The following DRAM1 variants were observed in gnomAD, a reference collection of about 807,000 sequenced individuals.
DRAM1 encodes the protein DNA damage regulated autophagy modulator 1, also known as DNA damage-regulated autophagy modulator protein 1.
In DRAM1, 25 loss-of-function variants were observed where a neutral mutation model predicts 28.5. That is an observed-to-expected ratio of 0.88 (90% CI 0.64 to 1.23). The LOEUF is 1.23. Among genes scored for constraint, DRAM1 ranks in the 50% most tolerant of loss-of-function variants. The pLI, the probability that DRAM1 is intolerant of heterozygous loss-of-function variation, is 0.00. For missense variants in DRAM1, 249 were observed against 299.2 expected (o/e 0.83, Z 1.24); for synonymous variants, 113 against 114.2 (o/e 0.99, Z 0.07).
chr12:101,877,929 C>G lies in DRAM1; in HGVS notation c.131+9C>G, dbSNP rs1010393298. 30 of 1,526,544 alleles carry G rather than the reference C, an allele frequency of 2.0e-5. No individual in the cohort carries two copies. Among genetic ancestry groups the G allele is most frequent in the Non-Finnish European group, 2.5e-5 (28 of 1,132,336 alleles). The allele number at this position is 1,526,544 out of a possible 1,614,324, so 94.6% of individuals were successfully genotyped here. ...TTCCTCCCGTATATCAGGTGAGTGG[C>G]AGGGTGGGCGTCAGGGCCCCAGGAG... On this transcript the variant is annotated intron_variant, in intron 1 of 6. Transcript: ENST00000258534. This position sits in a 1 kb window ranked among gnomAD's most constrained non-coding sequence, Gnocchi z 4.1.
chr12:101,900,718 G>A (rs962339573), intron 2 of DRAM1, among the ~76,000 whole-genome samples: 9 of 152,166 alleles, frequency 5.9e-5, no homozygotes, highest in African/African-American at 1.4e-4. Flanking sequence ...AGTCTAAATC[G>A]TCAACGGGCT....
At chr12:101,881,719 G>C (rs1035652030) in intron 1 of DRAM1, among the ~76,000 whole-genome samples, 1 of 151,984 alleles carries the variant, frequency 6.6e-6, no homozygotes, top group African/African-American at 2.4e-5. Context: ...TACCTCCTTT[G>C]TTCAAATGTT....
Position 101,886,101 on chromosome 12 carries a change from G to T in DRAM1, c.131+8181G>T, listed in dbSNP as rs747353719. The stretch of plus-strand genomic sequence containing the variant: ...ACCTCATTGTTCATTGACTTTGGTT[G>T]CAGTTCTGTTTTCCAGCACAGTTAG... On this transcript the variant is annotated intron_variant, in intron 1 of 6. Transcript: ENST00000258534. 5.5e-4 allele frequency among the ~76,000 whole-genome samples: 84 copies of T among 152,184 alleles called. 1 individual carries two copies. Among genetic ancestry groups the T allele is most frequent in the Non-Finnish European group, 1.3e-4 (9 of 68,040 alleles).
At chr12:101,908,739 T>G (rs530942333) in intron 4 of DRAM1, among the ~76,000 whole-genome samples, 4 of 151,968 alleles carry the variant, frequency 2.6e-5, no homozygotes, top group African/African-American at 9.6e-5. Flanking sequence ...CTTGCTAAAC[T>G]GACTTAGCCA....
At chr12:101,887,970 A>G (rs1872952304) in intron 1 of DRAM1, among the ~76,000 whole-genome samples, 2 of 152,220 alleles carry the variant, frequency 1.3e-5, no homozygotes, top group Admixed American at 1.3e-4. Flanking sequence ...TACTCAGTTA[A>G]TGAGGGCTGT....
Position 101,921,516 on chromosome 12 carries a change from AC to A in DRAM1, c.*257del. On this transcript the variant is annotated 3_prime_UTR_variant, in exon 7 of 7. Transcript: ENST00000258534. ...TTTTTTTATATTAACAAATTCATAT[AC>A]AGAAAAAATAAGGTGTTACAAAAAA... 3.2e-6 allele frequency: 1 copy of A among 313,150 alleles called. No homozygotes were observed. Among genetic ancestry groups the A allele is most frequent in the East Asian group, 5.6e-5 (1 of 17,794 alleles). The allele number at this position is 313,150 out of a possible 1,614,324, so 19.4% of individuals were successfully genotyped here.
At chr12:101,911,631 T>G (rs1473939180) in intron 4 of DRAM1, among the ~76,000 whole-genome samples, 1 of 152,214 alleles carries the variant, frequency 6.6e-6, no homozygotes, top group Non-Finnish European at 1.5e-5. Context: ...GGTACCCACA[T>G]GTGGCTTTTG....
Position 101,881,194 on chromosome 12 carries a change from C to T in DRAM1, c.131+3274C>T, listed in dbSNP as rs556174029. On this transcript the variant is annotated intron_variant, in intron 1 of 6. Coordinates refer to ENST00000258534, the MANE Select transcript of DRAM1 (RefSeq NM_018370.3). The stretch of plus-strand genomic sequence containing the variant: ...ACTCAGGAGGCTGAGGCATGAGAAT[C>T]GCTTGAACCAGGGAGGCAGAGGTTG... Among the ~76,000 whole-genome samples the T allele has an allele frequency of 2.0e-4, 31 of 152,226 alleles. 1 individual carries two copies. Among genetic ancestry groups the T allele is most frequent in the African/African-American group, 6.5e-4 (27 of 41,552 alleles).
intron 1 of DRAM1, among the ~76,000 whole-genome samples, chr12:101,882,656 A>C (rs1189744896): frequency 6.6e-6 from 1 of 151,274 alleles, no homozygotes; most frequent in Admixed American, 6.6e-5. Flanking sequence ...GTTGTGATCT[A>C]GTGGGTTAGC....
At position 101,914,185 on chromosome 12, in the gene DRAM1, G is replaced by A; in HGVS notation, c.532G>A (p.Ala178Thr). The A allele has an allele frequency of 6.2e-7, 1 of 1,608,610 alleles. No individual in the cohort carries two copies. The highest frequency in any genetic ancestry group is 8.5e-7 in the Non-Finnish European group (1 of 1,178,086). ...CAAVIPMIVC[A>T]SLISITKLEW... ...TTTACTTCTTTCAGTGATTGTCTGTGCTTCACTAATTTCCATAACCAAGCT... is the reference window on the plus strand; with the variant it reads ...TTTACTTCTTTCAGTGATTGTCTGTACTTCACTAATTTCCATAACCAAGCT... Residue 178 changes from alanine (A) to threonine (T), a missense_variant, in exon 5 of 7, where the codon GCT (alanine) becomes ACT (threonine). Transcript: ENST00000258534.
At position 101,877,766 on chromosome 12, in the gene DRAM1, T is replaced by G. The variant is rs1165982519; in HGVS notation, c.-24T>G. On this transcript the variant is annotated 5_prime_UTR_variant, in exon 1 of 7. Coordinates refer to ENST00000258534, the MANE Select transcript of DRAM1 (RefSeq NM_018370.3). This position sits in a 1 kb window ranked among gnomAD's most constrained non-coding sequence, Gnocchi z 4.1. ...CGCCCGGCCCCGCTGGGCGCAGCAC[T>G]CCGTCGGCGGCGGCGGCGGCGCGAT... 6.8e-7 allele frequency: 1 copy of G among 1,472,410 alleles called. No homozygotes were observed. 91.2% of individuals were successfully genotyped at this position (1,472,410 alleles called of 1,614,324 possible). A position where few individuals can be genotyped will look rare whatever the true frequency, so the allele number is the denominator to read the frequency against.
intron 4 of DRAM1, among the ~76,000 whole-genome samples, chr12:101,912,182 A>G (rs897294801): frequency 2.6e-5 from 4 of 152,240 alleles, no homozygotes; most frequent in Admixed American, 1.3e-4. Context: ...CCTGAGTGAA[A>G]GAGCGAGACT....
At chr12:101,914,007 TG>T (rs1411978325) in intron 4 of DRAM1, among the ~76,000 whole-genome samples, 166 bp from the exon 5 acceptor site, 2 of 152,218 alleles carry the variant, frequency 1.3e-5, no homozygotes, top group Non-Finnish European at 2.9e-5. Context: ...CTAATATAAC[TG>T]GTTTGATTGT....
chr12:101,921,413 T>C lies in DRAM1; in HGVS notation c.*153T>C, dbSNP rs1874478548. ...TTTCATTACGAGTTCCTAATAGTTG[T>C]ATTTCTAAAGATGTGTTTCCTAGAG... On this transcript the variant is annotated 3_prime_UTR_variant, in exon 7 of 7. Transcript: ENST00000258534. 2 of 647,152 alleles carry C rather than the reference T, an allele frequency of 3.1e-6. No homozygotes were observed. The highest frequency in any genetic ancestry group is 5.6e-6 in the Non-Finnish European group (2 of 357,002). The allele number at this position is 647,152 out of a possible 1,614,324, so 40.1% of individuals were successfully genotyped here.
chr12:101,912,442 T>A (rs143587624), intron 4 of DRAM1, among the ~76,000 whole-genome samples: 1 of 152,296 alleles, frequency 6.6e-6, no homozygotes, highest in African/African-American at 2.4e-5. Flanking sequence ...GTTGTGATAT[T>A]TCTGAGAGCT....
At chr12:101,921,025 A>AT (rs1313715040) in intron 6 of DRAM1, among the ~76,000 whole-genome samples, 191 bp from the exon 7 acceptor site, 1 of 152,236 alleles carries the variant, frequency 6.6e-6, no homozygotes, top group Non-Finnish European at 1.5e-5. Context: ...AAAATCTTAC[A>AT]TTTTGAAACA....
At chr12:101,902,907 G>T (rs1873656897) in intron 3 of DRAM1, among the ~76,000 whole-genome samples, 1 of 137,572 alleles carries the variant, frequency 7.3e-6, no homozygotes. Context: ...GAGAGAGTGT[G>T]ACTGCCTCTT....
chr12:101,894,858 G>C (rs7975528), intron 1 of DRAM1, among the ~76,000 whole-genome samples: 100,642 of 152,142 alleles, frequency 0.66, 35,061 homozygotes, highest in East Asian at 0.91. Context: ...TGTTTGCTCC[G>C]ATGCCTGGCA....
At chr12:101,889,524 G>GA (rs1873022755) in intron 1 of DRAM1, among the ~76,000 whole-genome samples, 1 of 152,036 alleles carries the variant, frequency 6.6e-6, no homozygotes, top group Admixed American at 6.6e-5. Flanking sequence ...GGAAAGGAAG[G>GA]AAGGAAGGAA....
Sources: gnomAD v4.1 joint callset for allele counts (sites outside exome capture counted in the v4.1 genomes callset) on GRCh38, gnomAD v4.1.1 for gene constraint, Gnocchi (gnomAD v3.1) non-coding constraint, MANE v1.5 for transcripts, NCBI Gene and HGNC (gene_info 2026-07-23, HGNC 2026-07-21) for gene names.